CTNNA3: variants seen among roughly 807,000 people sequenced by gnomAD.
The protein encoded by CTNNA3 is catenin alpha-3.
In CTNNA3, 76 loss-of-function variants were observed where a neutral mutation model predicts 95.7. The observed-to-expected ratio is 0.79, with a 90% confidence interval of 0.66 to 0.96. CTNNA3 has a LOEUF of 0.96. CTNNA3 is among the 40% of genes least tolerant of loss of function. CTNNA3 has a pLI of 0.00. For missense variants in CTNNA3, 1,191 were observed against 1,089.8 expected, an observed-to-expected ratio of 1.09 and a Z score of -1.31; for synonymous variants, 431 against 374.4, an observed-to-expected ratio of 1.15 and a Z score of -1.74.
chr10:67,386,301 C>T (rs1327730544), intron 5 of CTNNA3, among the ~76,000 whole-genome samples: 1 of 152,110 alleles, frequency 6.6e-6, no homozygotes, highest in Non-Finnish European at 1.5e-5. Context: ...CATTTATTTA[C>T]GTTCGGTCCT....
intron 11 of CTNNA3, among the ~76,000 whole-genome samples, chr10:66,427,927 TA>T (rs2093257122): frequency 1.3e-5 from 2 of 152,066 alleles, no homozygotes; most frequent in African/African-American, 4.8e-5. Context: ...GTAAATGGAC[TA>T]AATGCTCCAA....
Position 66,069,215 on chromosome 10 carries a change from G to T in CTNNA3, c.2159+93C>A. The stretch of plus-strand genomic sequence containing the variant: ...GCTTTTCCCCTACCACCTGATTTTT[G>T]GCACTTGACACTCAGAGAATCTTGA... On this transcript the variant is annotated intron_variant, in intron 15 of 17. Coordinates refer to ENST00000433211, the MANE Select transcript of CTNNA3 (RefSeq NM_013266.4). The T allele has an allele frequency of 1.2e-5, 15 of 1,232,786 alleles. No homozygotes were observed. In the South Asian group the frequency reaches 1.8e-4, roughly 15 times the overall value. 76.4% of individuals were successfully genotyped at this position (1,232,786 alleles called of 1,614,324 possible).
chr10:67,196,096 T>C (rs983751128), intron 6 of CTNNA3, among the ~76,000 whole-genome samples: 6 of 152,004 alleles, frequency 3.9e-5, no homozygotes, highest in African/African-American at 1.4e-4. Flanking sequence ...TCAGAATGAG[T>C]GATAAAAATG....
chr10:67,631,376 A>G (rs775089984), intron 2 of CTNNA3, among the ~76,000 whole-genome samples: 35 of 152,336 alleles, frequency 2.3e-4, no homozygotes, highest in Middle Eastern at 3.4e-3. Context: ...AGCAGAATAA[A>G]GATTTATGAA....
At chr10:67,246,386 C>A (rs1474877819) in intron 5 of CTNNA3, among the ~76,000 whole-genome samples, 1 of 152,166 alleles carries the variant, frequency 6.6e-6, no homozygotes, top group Non-Finnish European at 1.5e-5. Flanking sequence ...TCTCTTGTTT[C>A]TATCATAAAT....
intron 15 of CTNNA3, among the ~76,000 whole-genome samples, chr10:66,018,752 A>G (rs1298059337): frequency 1.3e-5 from 2 of 152,140 alleles, no homozygotes; most frequent in African/African-American, 4.8e-5. Flanking sequence ...GGGTGGAGCA[A>G]GAAAAACTTG....
chr10:66,221,306 T>A (rs10762030), intron 13 of CTNNA3, among the ~76,000 whole-genome samples: 122,880 of 152,102 alleles, frequency 0.81, 49,981 homozygotes, highest in South Asian at 0.94. Flanking sequence ...TAGCTACCTG[T>A]TATTTGTTTC....
At chr10:67,587,306 T>A (rs1295577563) in intron 3 of CTNNA3, among the ~76,000 whole-genome samples, 1 of 150,702 alleles carries the variant, frequency 6.6e-6, no homozygotes, top group Non-Finnish European at 1.5e-5. Flanking sequence ...GTGATGCTAC[T>A]GCTTAGGCTT....
intron 6 of CTNNA3, among the ~76,000 whole-genome samples, chr10:67,196,270 A>G (rs1211015588): frequency 6.6e-6 from 1 of 152,102 alleles, no homozygotes; most frequent in East Asian, 1.9e-4. Context: ...TGTGAACAAT[A>G]AACTAAATTA....
At chr10:65,924,425 G>C (rs950371218) in intron 17 of CTNNA3, among the ~76,000 whole-genome samples, 12 of 152,094 alleles carry the variant, frequency 7.9e-5, no homozygotes, top group African/African-American at 9.7e-5. Flanking sequence ...TGTCTTTCTT[G>C]ACCATAAGCA....
At chr10:67,082,021 T>G (rs1437712439) in intron 7 of CTNNA3, among the ~76,000 whole-genome samples, 1 of 152,204 alleles carries the variant, frequency 6.6e-6, no homozygotes, top group African/African-American at 2.4e-5. Context: ...GTTCACAAAA[T>G]AGGAGTACCT....
chr10:66,748,737 G>T (rs541556422), intron 9 of CTNNA3, among the ~76,000 whole-genome samples: 16 of 152,102 alleles, frequency 1.1e-4, no homozygotes, highest in Admixed American at 8.5e-4. Flanking sequence ...TAAGCAGAAA[G>T]TACAGAGAGT....
chr10:67,676,598 A>G (rs866566164), intron 1 of CTNNA3, among the ~76,000 whole-genome samples: 2 of 152,154 alleles, frequency 1.3e-5, no homozygotes, highest in Non-Finnish European at 2.9e-5. Context: ...AAAGAAAGGC[A>G]GAGAAGTGGA....
rs2077010268 is a variant in CTNNA3, at chr10:65,916,545, A to G, written c.*3785T>C. On this transcript the variant is annotated 3_prime_UTR_variant, in exon 18 of 18. Transcript: ENST00000433211. ...ATGGGAACCACAATCTCTAGGACAG[A>G]AATGAACATTTGATACCAAAATTTA... 6.6e-6 allele frequency: 1 copy of G among 152,206 alleles called. No homozygotes were observed. Among genetic ancestry groups the G allele is most frequent in the South Asian group, 2.1e-4 (1 of 4,838 alleles). The allele number at this position is 152,206 out of a possible 1,614,324, so 9.4% of individuals were successfully genotyped here. A position where few individuals can be genotyped will look rare whatever the true frequency, so the allele number is the denominator to read the frequency against.
chr10:67,377,472 A>C (rs909177782), intron 5 of CTNNA3, among the ~76,000 whole-genome samples: 2 of 152,180 alleles, frequency 1.3e-5, no homozygotes, highest in African/African-American at 4.8e-5. Context: ...TCTCATCCTA[A>C]TACTTTCCAA....
chr10:66,848,159 C>T (rs1347078311), intron 7 of CTNNA3, among the ~76,000 whole-genome samples: 1 of 152,148 alleles, frequency 6.6e-6, no homozygotes, highest in African/African-American at 2.4e-5. Flanking sequence ...AGAGTTTAGA[C>T]TTAGGTGAAT....
chr10:66,403,718 C>G (rs575423067), intron 11 of CTNNA3, among the ~76,000 whole-genome samples: 1 of 152,244 alleles, frequency 6.6e-6, no homozygotes, highest in African/African-American at 2.4e-5. Context: ...AAGACAGCTA[C>G]TGTACAATCC....
intron 9 of CTNNA3, among the ~76,000 whole-genome samples, chr10:66,729,018 ATTAC>A (rs1170297776): frequency 1.3e-5 from 2 of 152,130 alleles, no homozygotes; most frequent in African/African-American, 4.8e-5. Context: ...TCCTTTCCCC[ATTAC>A]TTGTTTTTGT....
chr10:66,378,842 G>C (rs760274415), intron 12 of CTNNA3, among the ~76,000 whole-genome samples: 34 of 152,220 alleles, frequency 2.2e-4, no homozygotes, highest in Non-Finnish European at 3.2e-4. Flanking sequence ...TCACATACTT[G>C]ATACCATATC....
Sources: allele counts gnomAD v4.1 joint callset (sites outside exome capture counted in the v4.1 genomes callset), GRCh38; gene constraint gnomAD v4.1.1; transcripts MANE v1.5; gene names NCBI Gene and HGNC (gene_info 2026-07-23, HGNC 2026-07-21).